Variants in RLF observed in about 807,000 individuals in gnomAD.
The protein encoded by RLF is RLF zinc finger.
A neutral mutation model predicts 162.9 loss-of-function variants in RLF; 7 were observed. The ratio of observed to expected loss-of-function variants is 0.04; its 90% CI spans 0.02 to 0.08. The LOEUF is 0.08. Ranked by LOEUF, RLF falls within the 10% of genes least tolerant of loss-of-function variation. The pLI is 1.00. For synonymous variants in RLF, 782 were observed against 791.5 expected, an observed-to-expected ratio of 0.99 and a Z score of 0.20; for missense variants, 1,664 against 2,244.7, an observed-to-expected ratio of 0.74 and a Z score of 5.23.
chr1:40,236,536 A>G lies in RLF; in HGVS notation c.1834A>G (p.Arg612Gly). 1 of 1,614,094 alleles carries G rather than the reference A, an allele frequency of 6.2e-7. No homozygotes were observed. Among genetic ancestry groups the G allele is most frequent in the South Asian group, 1.1e-5 (1 of 91,078 alleles). The stretch of plus-strand genomic sequence containing the variant: ...GCATGTTAAAATGCCACCAAGCAGA[A>G]GGGACCGCTCTAAAAAGAAATTACT... ...MEHVKMPPSR[R>G]DRSKKKLLLK... The change falls in exon 8 of 8, where the codon AGG (arginine) becomes GGG (glycine). Residue 612 changes from arginine to glycine, a missense_variant. Coordinates refer to ENST00000372771, the MANE Select transcript of RLF (RefSeq NM_012421.4). The surrounding 1 kb of genome is among the most constrained non-coding windows in gnomAD (Gnocchi z 7.7).
In RLF at chr1:40,239,229, A is replaced by T. The variant is rs758052474; in HGVS notation, c.4527A>T (p.Arg1509Ser). The T allele has an allele frequency of 1.2e-6, 2 of 1,614,200 alleles. No homozygotes were observed. The highest frequency in any genetic ancestry group is 1.7e-6 in the Non-Finnish European group (2 of 1,180,036). ...TQGHEHQTTR[R>S]SFNAKSKKCG... Reference sequence around the variant, plus strand: ...GGCATGAACATCAGACCACCAGGAGATCATTTAATGCTAAGTCTAAAAAAT... The same window carrying T: ...GGCATGAACATCAGACCACCAGGAGTTCATTTAATGCTAAGTCTAAAAAAT... Residue 1509 changes from arginine to serine, a missense_variant, in exon 8 of 8, where the codon AGA becomes AGT. Around this residue, in one of 15 missense-constraint regions of RLF, gnomAD observed 200 missense variants for 207.3 expected, o/e 0.96. Coordinates refer to ENST00000372771, the MANE Select transcript of RLF (RefSeq NM_012421.4).
chr1:40,201,941 GTCTT>G (rs1326624513), intron 4 of RLF, among the ~76,000 whole-genome samples: 1 of 152,002 alleles, frequency 6.6e-6, no homozygotes, highest in African/African-American at 2.4e-5. Context: ...TATCTCTCAG[GTCTT>G]TTGGTCGGTG....
chr1:40,186,386 C>G (rs1390191308), intron 1 of RLF, among the ~76,000 whole-genome samples: 2 of 152,084 alleles, frequency 1.3e-5, no homozygotes, highest in Non-Finnish European at 2.9e-5. Context: ...TTAATTTGAA[C>G]CAACACATGA....
At chr1:40,164,337 G>A (rs899207888) in intron 1 of RLF, among the ~76,000 whole-genome samples, 2 of 152,116 alleles carry the variant, frequency 1.3e-5, no homozygotes, top group African/African-American at 4.8e-5. Flanking sequence ...CTATCTTTGG[G>A]ATTGCACCAA....
At position 40,237,760 on chromosome 1, in the gene RLF, A is replaced by G. The variant is rs757618512; in HGVS notation, c.3058A>G (p.Ser1020Gly). The change falls in exon 8 of 8, where the codon AGT (serine) becomes GGT (glycine). Residue 1020 changes from serine (S) to glycine (G), a missense_variant. Physicochemically the swap from Ser to Gly is moderately conservative, Grantham distance 56 (BLOSUM62 0). This residue lies in a region of RLF where 295 missense variants were observed against 317.4 expected (regional missense o/e 0.93). Coordinates refer to ENST00000372771, the MANE Select transcript of RLF (RefSeq NM_012421.4). The surrounding 1 kb of genome is among the most constrained non-coding windows in gnomAD (Gnocchi z 4.4). ...AEPKPCSDTNSDSPDEGLDHN... is the reference protein window; with the variant it reads ...AEPKPCSDTNGDSPDEGLDHN... The stretch of plus-strand genomic sequence containing the variant: ...ACCTAAACCCTGCTCAGATACAAAC[A>G]GTGACTCCCCAGATGAAGGTCTAGA... The G allele has an allele frequency of 1.9e-6, 3 of 1,613,990 alleles. No homozygotes were observed. In the African/African-American group the frequency reaches 4.0e-5, roughly 22 times the overall value.
intron 5 of RLF, among the ~76,000 whole-genome samples, chr1:40,215,902 C>T (rs965448543): frequency 1.3e-5 from 2 of 151,288 alleles, no homozygotes; most frequent in African/African-American, 4.9e-5. Flanking sequence ...GCAAATTAAA[C>T]TGAAAGCAAG....
intron 6 of RLF, among the ~76,000 whole-genome samples, chr1:40,228,254 C>T (rs1297771660): frequency 7.1e-5 from 10 of 140,764 alleles, no homozygotes; most frequent in African/African-American, 2.1e-4. Flanking sequence ...CCACTGCATT[C>T]GAGCCTGGGC....
chr1:40,203,109 CTTTTTTTTTTTTTT>C (rs34957684), intron 5 of RLF, among the ~76,000 whole-genome samples: 1 of 99,680 alleles, frequency 1.0e-5, no homozygotes, highest in Non-Finnish European at 2.0e-5. Context: ...AGGGTTGAGT[CTTTTTTTTTTTTTT>C]TTTTTTTTTG....
At chr1:40,216,361 A>G (rs1642924004) in intron 5 of RLF, among the ~76,000 whole-genome samples, 1 of 151,908 alleles carries the variant, frequency 6.6e-6, no homozygotes. Context: ...GGTGGCACAC[A>G]CCTGTAGTCC....
At chr1:40,234,914 C>G (rs1390349647) in intron 7 of RLF, among the ~76,000 whole-genome samples, 1 of 152,152 alleles carries the variant, frequency 6.6e-6, no homozygotes, top group African/African-American at 2.4e-5. Flanking sequence ...TTTCTGATTT[C>G]TGTTTTTTCC....
chr1:40,178,650 G>C (rs546896266), intron 1 of RLF, among the ~76,000 whole-genome samples: 2 of 100,316 alleles, frequency 2.0e-5, no homozygotes, highest in Admixed American at 2.0e-4. Flanking sequence ...TTTTTTTTTG[G>C]AGAGATGGGA....
intron 7 of RLF, among the ~76,000 whole-genome samples, chr1:40,233,590 G>A (rs1302967222): frequency 2.0e-5 from 3 of 152,166 alleles, no homozygotes; most frequent in East Asian, 3.9e-4. Flanking sequence ...AAGCAACATG[G>A]CCTGTTTTAC....
chr1:40,200,161 G>A (rs1642692056), intron 4 of RLF, among the ~76,000 whole-genome samples: 1 of 152,202 alleles, frequency 6.6e-6, no homozygotes. Flanking sequence ...CCAAGGTCCA[G>A]ACTCCACTTG....
Position 40,240,672 on chromosome 1 carries a change from A to G in RLF, c.*225A>G. 1 of 494,336 alleles carries G rather than the reference A, an allele frequency of 2.0e-6. No individual in the cohort carries two copies. The highest frequency in any genetic ancestry group is 2.5e-5 in the South Asian group (1 of 39,450). The allele number at this position is 494,336 out of a possible 1,614,324, so 30.6% of individuals were successfully genotyped here. A position where few individuals can be genotyped will look rare whatever the true frequency, so the allele number is the denominator to read the frequency against. ...TTTTGTTTGTTTGTTTATTAAAAAA[A>G]TGGAACTGTACACTTGTTTGGTGCT... On this transcript the variant is annotated 3_prime_UTR_variant, in exon 8 of 8. Transcript: ENST00000372771.
intron 1 of RLF, among the ~76,000 whole-genome samples, chr1:40,178,794 G>A (rs985410973): frequency 6.6e-6 from 1 of 151,378 alleles, no homozygotes; most frequent in African/African-American, 2.4e-5. Context: ...AAAGTGCTGG[G>A]ATTACAGGCA....
intron 1 of RLF, among the ~76,000 whole-genome samples, chr1:40,179,325 T>A (rs916998877): frequency 6.6e-6 from 1 of 152,198 alleles, no homozygotes; most frequent in Non-Finnish European, 1.5e-5. Flanking sequence ...AGAATTGTAA[T>A]ACTTTTACCC....
At chr1:40,226,526 C>G (rs1227182783) in intron 6 of RLF, among the ~76,000 whole-genome samples, 1 of 152,090 alleles carries the variant, frequency 6.6e-6, no homozygotes, top group Non-Finnish European at 1.5e-5. Context: ...TCTGTTCTGC[C>G]CCAGCTAGAC....
At chr1:40,191,407 G>A (rs1241464522) in intron 3 of RLF, among the ~76,000 whole-genome samples, 2 of 151,738 alleles carry the variant, frequency 1.3e-5, no homozygotes, top group South Asian at 2.1e-4. Flanking sequence ...GCATGGTGGC[G>A]GACACCTGTA....
At position 40,161,652 on chromosome 1, in the gene RLF, G is replaced by C; in HGVS notation, c.237+16G>C. 1 of 1,606,050 alleles carries C rather than the reference G, an allele frequency of 6.2e-7. No homozygotes were observed. The highest frequency in any genetic ancestry group is 1.1e-5 in the South Asian group (1 of 90,272). On this transcript the variant is annotated intron_variant, in intron 1 of 7. Transcript: ENST00000372771. The surrounding 1 kb of genome is among the most constrained non-coding windows in gnomAD (Gnocchi z 4.4). ...CTTCTGCCAGGTGAGGGGCTGACTG[G>C]CTGGCTGAGGGCGGCGGGGCGGGGA...
Sources: allele counts gnomAD v4.1 joint callset (sites outside exome capture counted in the v4.1 genomes callset), GRCh38; gene constraint gnomAD v4.1.1; regional missense constraint gnomAD v4.1.1; non-coding constraint Gnocchi (gnomAD v3.1); transcripts MANE v1.5; gene names NCBI Gene and HGNC (gene_info 2026-07-23, HGNC 2026-07-21).